Variants in TPX2 observed in about 807,000 individuals in gnomAD.
TPX2 encodes targeting protein for Xklp2.
TPX2 carries 21 observed loss-of-function variants against 93.6 expected under a neutral mutation model. The observed-to-expected ratio is 0.22, with a 90% CI of 0.16 to 0.32. TPX2 has a LOEUF of 0.32. TPX2 is among the 10% of genes least tolerant of loss of function. TPX2 has a pLI of 1.00. For missense variants in TPX2, 776 were observed against 871.1 expected (o/e 0.89, Z 1.37); for synonymous variants, 281 against 298.3 (o/e 0.94, Z 0.60).
chr20:31,778,978 G>GA lies in TPX2; in HGVS notation c.1049dup (p.Asp350GlufsTer3). ...ATATCATTTGAGGAGCAAGAAGGATGATATTAGTAAGTTTCCTACCAGTAT... is the reference window on the plus strand; with the variant it reads ...ATATCATTTGAGGAGCAAGAAGGATGAATATTAGTAAGTTTCCTACCAGTAT... On this transcript the variant is annotated frameshift_variant, in exon 10 of 18. Coordinates refer to ENST00000300403, the MANE Select transcript of TPX2 (RefSeq NM_012112.5). LOFTEE classifies it high-confidence loss of function. The GA allele has an allele frequency of 6.3e-7, 1 of 1,584,646 alleles. No individual in the cohort carries two copies.
chr20:31,782,261 C>T lies in TPX2; in HGVS notation c.1067C>T (p.Ser356Phe). ...SKKDDINLLP[S>F]KSSVTKICRD... ...TCTCTGTTTACAGACCTGTTACCCT[C>T]CAAATCTTCTGTGACCAAGATTTGC... is the stretch of plus-strand genomic sequence containing the variant. The change falls in exon 11 of 18, where the codon TCC becomes TTC. Residue 356 changes from serine (S) to phenylalanine (F), a missense_variant. By Grantham distance (155) the Ser-to-Phe change is radical. Transcript: ENST00000300403. 1 of 1,611,834 alleles carries T rather than the reference C, an allele frequency of 6.2e-7. No homozygotes were observed. Among genetic ancestry groups the T allele is most frequent in the South Asian group, 1.1e-5 (1 of 90,654 alleles).
At chr20:31,790,000 T>C (rs1268670076) in intron 12 of TPX2, among the ~76,000 whole-genome samples, 1 of 152,228 alleles carries the variant, frequency 6.6e-6, no homozygotes, top group Non-Finnish European at 1.5e-5. Context: ...GTTATACAGA[T>C]TGGAAGCAGA....
intron 2 of TPX2, among the ~76,000 whole-genome samples, chr20:31,753,953 G>C (rs765395914): frequency 6.6e-6 from 1 of 152,074 alleles, no homozygotes; most frequent in Non-Finnish European, 1.5e-5. Context: ...TTGAACCCAG[G>C]AGGTGGAGGT....
At chr20:31,797,802 A>C (rs1600396880) in intron 16 of TPX2, among the ~76,000 whole-genome samples, 2 of 152,334 alleles carry the variant, frequency 1.3e-5, no homozygotes, top group African/African-American at 4.8e-5. Context: ...AGAAACAAGT[A>C]AATGAGGGAG....
In TPX2 at chr20:31,783,803, G is replaced by A. The variant is rs781036351; in HGVS notation, c.1295G>A (p.Gly432Asp). 1 of 1,613,424 alleles carries A rather than the reference G, an allele frequency of 6.2e-7. No individual in the cohort carries two copies. The highest frequency in any genetic ancestry group is 2.2e-5 in the East Asian group (1 of 44,850). ...GTGAAACCACCCACCGAGCCTATTG[G>A]CTTTGATTTGGAAATTGAGAAAAGA... ...PPVKPPTEPI[G>D]FDLEIEKRIQ... Residue 432 changes from glycine to aspartate, a missense_variant, in exon 12 of 18, where the codon GGC becomes GAC. Coordinates refer to ENST00000300403, the MANE Select transcript of TPX2 (RefSeq NM_012112.5).
chr20:31,785,502 GTTT>G (rs1049481149), intron 12 of TPX2, among the ~76,000 whole-genome samples: 2 of 142,132 alleles, frequency 1.4e-5, no homozygotes, highest in African/African-American at 5.1e-5. Flanking sequence ...TTTTTGTTTT[GTTT>G]TTTTTTTTTG....
At chr20:31,800,260 CTA>C (rs922942587) in intron 17 of TPX2, among the ~76,000 whole-genome samples, 4 of 152,188 alleles carry the variant, frequency 2.6e-5, no homozygotes, top group Admixed American at 2.0e-4. Flanking sequence ...AATCCCCACT[CTA>C]TATACACTCA....
intron 2 of TPX2, among the ~76,000 whole-genome samples, chr20:31,751,084 G>T (rs1489906906): frequency 6.6e-6 from 1 of 152,104 alleles, no homozygotes; most frequent in East Asian, 1.9e-4. Flanking sequence ...CTTAGGAGGG[G>T]TTGAGGAGGG....
chr20:31,777,301 G>A (rs1417041781), intron 8 of TPX2, among the ~76,000 whole-genome samples, 186 bp from the exon 9 acceptor site: 1 of 152,134 alleles, frequency 6.6e-6, no homozygotes, highest in African/African-American at 2.4e-5. Flanking sequence ...AAACCTAATA[G>A]TACTCAGTGA....
chr20:31,748,348 A>G (rs1317252772), intron 2 of TPX2, among the ~76,000 whole-genome samples: 1 of 152,158 alleles, frequency 6.6e-6, no homozygotes, highest in South Asian at 2.1e-4. Flanking sequence ...TCTTTACTCT[A>G]GAATATCACT....
intron 2 of TPX2, among the ~76,000 whole-genome samples, chr20:31,744,191 T>G (rs1443047267): frequency 2.2e-5 from 3 of 139,146 alleles, no homozygotes; most frequent in Non-Finnish European, 4.6e-5. Flanking sequence ...AGTCGGAGTC[T>G]CACTCTGTCG....
intron 15 of TPX2, 132 bp from the exon 16 acceptor site, chr20:31,797,272 T>A: frequency 1.3e-6 from 1 of 764,324 alleles, no homozygotes; most frequent in East Asian, 2.6e-5. Flanking sequence ...GTGTGAAAGA[T>A]TTTTACTAGG....
chr20:31,764,325 T>C (rs1348381143), intron 4 of TPX2, among the ~76,000 whole-genome samples: 1 of 152,030 alleles, frequency 6.6e-6, no homozygotes, highest in African/African-American at 2.4e-5. Context: ...GCCACTACCA[T>C]GCCTAGCTAG....
At chr20:31,771,358 C>T (rs1360877744) in intron 6 of TPX2, among the ~76,000 whole-genome samples, 1 of 152,062 alleles carries the variant, frequency 6.6e-6, no homozygotes, top group Admixed American at 6.6e-5. Context: ...ATCTTGATAG[C>T]GGTTGGCTTT....
At chr20:31,786,666 A>G (rs1459939901) in intron 12 of TPX2, among the ~76,000 whole-genome samples, 1 of 152,200 alleles carries the variant, frequency 6.6e-6, no homozygotes, top group East Asian at 1.9e-4. Flanking sequence ...GGCCTCCCAA[A>G]GTGCTAGGAT....
Position 31,801,172 on chromosome 20 carries a change from A to AAATGGGTTCTCTCCAT in TPX2, c.*92_*93insAATGGGTTCTCTCCAT. The AAATGGGTTCTCTCCAT allele has an allele frequency of 1.7e-6, 2 of 1,144,174 alleles. No individual in the cohort carries two copies. Among genetic ancestry groups the AAATGGGTTCTCTCCAT allele is most frequent in the Non-Finnish European group, 2.6e-6 (2 of 769,014 alleles). The allele number at this position is 1,144,174 out of a possible 1,614,324, so 70.9% of individuals were successfully genotyped here. A position where few individuals can be genotyped will look rare whatever the true frequency, so the allele number is the denominator to read the frequency against. ...TCTTGCTTTGTCATTGGGCATGGAGAGAACCCATTTCTCCAGACTTTTACC... is the reference window on the plus strand; with the variant it reads ...TCTTGCTTTGTCATTGGGCATGGAGAAATGGGTTCTCTCCATGAACCCATTTCTCCAGACTTTTACC... On this transcript the variant is annotated 3_prime_UTR_variant, in exon 18 of 18. Coordinates refer to ENST00000300403, the MANE Select transcript of TPX2 (RefSeq NM_012112.5).
At chr20:31,785,398 C>T (rs966153286) in intron 12 of TPX2, among the ~76,000 whole-genome samples, 2 of 151,988 alleles carry the variant, frequency 1.3e-5, no homozygotes, top group African/African-American at 4.8e-5. Context: ...AAGGGCTCAA[C>T]GTTTAGTTTT....
intron 10 of TPX2, among the ~76,000 whole-genome samples, chr20:31,780,437 T>C (rs1476994912): frequency 1.3e-5 from 2 of 152,226 alleles, no homozygotes; most frequent in South Asian, 2.1e-4. Context: ...TAATGAAATA[T>C]TCTTCTTTAT....
At chr20:31,752,091 T>TA (rs775106567) in intron 2 of TPX2, among the ~76,000 whole-genome samples, 3 of 152,128 alleles carry the variant, frequency 2.0e-5, no homozygotes, top group Non-Finnish European at 4.4e-5. Context: ...TGGAAAATTG[T>TA]AAAAAACACC....
Sources: allele counts gnomAD v4.1 joint callset (sites outside exome capture counted in the v4.1 genomes callset), GRCh38; gene constraint gnomAD v4.1.1; transcripts MANE v1.5; gene names NCBI Gene and HGNC (gene_info 2026-07-23, HGNC 2026-07-21).